SNUPN: variants seen among roughly 807,000 people sequenced by gnomAD.
SNUPN encodes snurportin-1.
A neutral mutation model predicts 39.2 loss-of-function variants in SNUPN; 31 were observed. The observed-to-expected ratio is 0.79, with a 90% CI of 0.59 to 1.07. The LOEUF (loss-of-function observed/expected upper bound fraction) is 1.07, where lower values mean the gene tolerates loss of function less well. SNUPN is among the 50% of genes least tolerant of loss of function. The probability of loss-of-function intolerance (pLI) is 0.00; values close to 1 mark genes in which losing one functional copy is unlikely to be tolerated. For missense variants in SNUPN, 382 were observed against 434.2 expected (o/e 0.88, Z 1.07); for synonymous variants, 132 against 159.0 (o/e 0.83, Z 1.28).
chr15:75,602,424 G>A (rs2075295560), intron 7 of SNUPN, among the ~76,000 whole-genome samples: 1 of 151,534 alleles, frequency 6.6e-6, no homozygotes, highest in Non-Finnish European at 1.5e-5. Flanking sequence ...TACTTGGGAG[G>A]CTGAGGCAGA....
chr15:75,613,935 A>G (rs571260506), intron 3 of SNUPN, among the ~76,000 whole-genome samples: 1 of 152,340 alleles, frequency 6.6e-6, no homozygotes, highest in South Asian at 2.1e-4. Flanking sequence ...TTCTAGGTAT[A>G]TACACAAGAG....
At chr15:75,615,924 A>C (rs1170874498) in intron 3 of SNUPN, among the ~76,000 whole-genome samples, 1 of 151,808 alleles carries the variant, frequency 6.6e-6, no homozygotes, top group Non-Finnish European at 1.5e-5. Flanking sequence ...TCACTTTTTT[A>C]TAGCACAAAA....
chr15:75,598,884 T>C (rs1200042898), intron 8 of SNUPN, among the ~76,000 whole-genome samples: 2 of 152,044 alleles, frequency 1.3e-5, no homozygotes, highest in Non-Finnish European at 2.9e-5. Flanking sequence ...AATAAAAACA[T>C]TGGCTGGGCG....
chr15:75,610,307 C>T (rs1055387556), intron 3 of SNUPN, among the ~76,000 whole-genome samples: 4 of 150,034 alleles, frequency 2.7e-5, no homozygotes, highest in Non-Finnish European at 4.4e-5. Flanking sequence ...GGCTGAGCCA[C>T]GAGAATTGCT....
chr15:75,604,157 C>CG (rs2075313047), intron 7 of SNUPN, among the ~76,000 whole-genome samples: 1 of 114,942 alleles, frequency 8.7e-6, no homozygotes, highest in Non-Finnish European at 1.7e-5. Flanking sequence ...TTCCCTTTAA[C>CG]TTTTTTTTTT....
intron 2 of SNUPN, among the ~76,000 whole-genome samples, chr15:75,619,086 C>A (rs1363860721): frequency 1.3e-5 from 2 of 148,582 alleles, no homozygotes; most frequent in Non-Finnish European, 3.0e-5. Context: ...AATCCCAGCC[C>A]TCTGGGAGGG....
At chr15:75,624,655 G>C (rs1371628596) in intron 1 of SNUPN, 119 of 1,095,144 alleles carry the variant, frequency 1.1e-4, no homozygotes, top group Admixed American at 3.9e-5. Flanking sequence ...CCTGGACTTC[G>C]TCTCAAAAAG....
intron 3 of SNUPN, among the ~76,000 whole-genome samples, chr15:75,611,798 T>G (rs1595985582): frequency 1.3e-5 from 2 of 151,488 alleles, no homozygotes; most frequent in African/African-American, 4.8e-5. Flanking sequence ...GAGGTTGCAG[T>G]GAGCCGAGAT....
At chr15:75,600,141 C>T (rs796156000) in intron 8 of SNUPN, among the ~76,000 whole-genome samples, 14 of 152,014 alleles carry the variant, frequency 9.2e-5, no homozygotes, top group African/African-American at 2.7e-4. Flanking sequence ...CCACTGTGCC[C>T]GGCCAAGGCA....
intron 6 of SNUPN, among the ~76,000 whole-genome samples, chr15:75,606,025 A>C (rs2075328491): frequency 6.6e-6 from 1 of 152,188 alleles, no homozygotes; most frequent in Non-Finnish European, 1.5e-5. Flanking sequence ...AGCGCCTGTA[A>C]TCCCAGCTAC....
rs373767995 is a variant in SNUPN, at chr15:75,604,304, G to A, written c.678+846C>T. Among the ~76,000 whole-genome samples the A allele has an allele frequency of 2.0e-5, 3 of 152,152 alleles. No homozygotes were observed. The East Asian group carries it at 5.8e-4, about 29-fold the overall frequency. ...GCCTCCCAAGTAGCTGGGATTACAG[G>A]CGTGCACCACTACACTTGGCTAATT... is the stretch of plus-strand genomic sequence containing the variant. On this transcript the variant is annotated intron_variant, in intron 7 of 8. Coordinates refer to ENST00000308588, the MANE Select transcript of SNUPN (RefSeq NM_005701.4).
At position 75,621,031 on chromosome 15, in the gene SNUPN, G is replaced by A. The variant is rs919913998; in HGVS notation, c.21C>T (p.Ala7=). 1.2e-6 allele frequency: 2 copies of A among 1,613,508 alleles called. No homozygotes were observed. Among genetic ancestry groups the A allele is most frequent in the African/African-American group, 2.7e-5 (2 of 74,820 alleles). MEELSQ[A]LASSFSVSQD... is the part of the protein sequence containing the mutation. ...GAGACACAGAAAAGCTACTAGCCAG[G>A]GCCTGACTCAACTCTTCCATCTTCC... Residue 7 remains alanine, a synonymous_variant, in exon 2 of 9, where the codon GCC becomes GCT. Transcript: ENST00000308588.
intron 7 of SNUPN, 96 bp from the exon 8 acceptor site, chr15:75,601,314 C>T (rs1430779447): frequency 9.6e-6 from 8 of 833,268 alleles, no homozygotes; most frequent in Admixed American, 5.8e-5. Context: ...GTGGCTCACA[C>T]CTGTAATCCC....
chr15:75,622,321 G>A, intron 1 of SNUPN: 1 of 984,976 alleles, frequency 1.0e-6, no homozygotes, highest in Non-Finnish European at 1.2e-6. Context: ...AAGGTTTCAG[G>A]GCTACTTATG....
chr15:75,607,854 T>C (rs755062996), intron 5 of SNUPN, among the ~76,000 whole-genome samples: 1 of 151,996 alleles, frequency 6.6e-6, no homozygotes, highest in Non-Finnish European at 1.5e-5. Flanking sequence ...AGAGATGCCA[T>C]ACAAATAGTC....
At chr15:75,599,193 G>A (rs996624798) in intron 8 of SNUPN, among the ~76,000 whole-genome samples, 8 of 151,916 alleles carry the variant, frequency 5.3e-5, no homozygotes, top group African/African-American at 1.4e-4. Flanking sequence ...AAAAGGAAAG[G>A]ATAAACATAA....
chr15:75,601,600 C>A (rs569531566), intron 7 of SNUPN, among the ~76,000 whole-genome samples: 5 of 151,828 alleles, frequency 3.3e-5, no homozygotes, highest in Non-Finnish European at 7.4e-5. Flanking sequence ...AAAAGAAAAT[C>A]TCTGTCAAAG....
In SNUPN at chr15:75,598,417, G is replaced by A. The variant is rs747045017; in HGVS notation, c.1024C>T (p.Pro342Ser). The change falls in exon 9 of 9, where the codon CCC (proline) becomes TCC (serine). Residue 342 changes from proline to serine, a missense_variant. Physicochemically the swap from Pro to Ser is moderately conservative, Grantham distance 74. Coordinates refer to ENST00000308588, the MANE Select transcript of SNUPN (RefSeq NM_005701.4). ...CTATGGGAAGAACCCTTCAACTTGG[G>A]AGTAGACAGGTGCTCCAATTCATAG... The part of the protein sequence containing the change: ...GHYELEHLST[P>S]KLKGSSHSPD... The A allele has an allele frequency of 4.3e-6, 7 of 1,614,082 alleles. No homozygotes were observed. The highest frequency in any genetic ancestry group is 3.3e-4 in the Middle Eastern group (2 of 6,082).
At chr15:75,620,483 T>C (rs545330352) in intron 2 of SNUPN, among the ~76,000 whole-genome samples, 52 of 152,220 alleles carry the variant, frequency 3.4e-4, no homozygotes, top group African/African-American at 8.9e-4. Flanking sequence ...ACAGAAACAT[T>C]TGGGCTGAAG....
Sources: gnomAD v4.1 joint callset for allele counts (sites outside exome capture counted in the v4.1 genomes callset) on GRCh38, gnomAD v4.1.1 for gene constraint, MANE v1.5 for transcripts, NCBI Gene and HGNC (gene_info 2026-07-23, HGNC 2026-07-21) for gene names.